Variants in OR4D1 observed in about 807,000 individuals in gnomAD.
OR4D1 encodes olfactory receptor family 4 subfamily D member 1, also known as olfactory receptor 4D1.
OR4D1 carries 10 observed loss-of-function variants against 14.2 expected under a neutral mutation model. That is an observed-to-expected ratio of 0.71 (90% CI 0.44 to 1.20). The LOEUF is 1.20. OR4D1 is among the 50% of genes most tolerant of loss of function. The probability of loss-of-function intolerance (pLI) is 0.00; values close to 1 mark genes in which losing one functional copy is unlikely to be tolerated. For synonymous variants in OR4D1, 141 were observed against 147.4 expected (o/e 0.96, Z 0.32); for missense variants, 345 against 376.6 (o/e 0.92, Z 0.70).
At chr17:58,152,098 G>T (rs1024023555) in intron 2 of OR4D1, among the ~76,000 whole-genome samples, 10 of 151,924 alleles carry the variant, frequency 6.6e-5, no homozygotes, top group Non-Finnish European at 1.3e-4. Flanking sequence ...TAACTTTTTG[G>T]ATAATTAGTA....
In OR4D1 at chr17:58,149,484, A is replaced by T. The variant is rs17740678; in HGVS notation, c.-439A>T. The T allele has an allele frequency of 0.093, 14,158 of 152,290 alleles. 749 individuals carry two copies. Among genetic ancestry groups the T allele is most frequent in the Non-Finnish European group, 0.12 (8,129 of 68,060 alleles). The allele number at this position is 152,290 out of a possible 1,614,324, so 9.4% of individuals were successfully genotyped here. A position where few individuals can be genotyped will look rare whatever the true frequency, so the allele number is the denominator to read the frequency against. On this transcript the variant is annotated 5_prime_UTR_variant, in exon 2 of 4. Coordinates refer to ENST00000268912, the MANE Select transcript of OR4D1 (RefSeq NM_001386095.1). ...CCTGTCCTCCATTAAGCAATCACAC[A>T]TTCTTTTGGGAACCAACTATGAGAA...
chr17:58,154,139 T>A (rs1967736454), intron 3 of OR4D1, among the ~76,000 whole-genome samples, 176 bp downstream of exon 3: 1 of 152,148 alleles, frequency 6.6e-6, no homozygotes, highest in African/African-American at 2.4e-5. Flanking sequence ...AAATTTTTTT[T>A]ATAGAGGTAG....
In OR4D1 at chr17:58,157,125, T is replaced by G; in HGVS notation, c.*1039T>G. 1.4e-6 allele frequency: 2 copies of G among 1,480,492 alleles called. No homozygotes were observed. Among genetic ancestry groups the G allele is most frequent in the Non-Finnish European group, 1.8e-6 (2 of 1,110,374 alleles). The allele number at this position is 1,480,492 out of a possible 1,614,324, so 91.7% of individuals were successfully genotyped here. A position where few individuals can be genotyped will look rare whatever the true frequency, so the allele number is the denominator to read the frequency against. ...CGCGGAGGAGCGCCGCGTCAAGGTC[T>G]CCAGCCTGCCCTACAGTGTGGATGC... On this transcript the variant is annotated 3_prime_UTR_variant, in exon 4 of 4. Transcript: ENST00000268912.
intron 2 of OR4D1, among the ~76,000 whole-genome samples, chr17:58,150,788 C>T (rs1477076490): frequency 6.6e-6 from 1 of 152,084 alleles, no homozygotes; most frequent in Non-Finnish European, 1.5e-5. Context: ...ACTGCGTCTC[C>T]TCCTCTTTTT....
rs772573584 is a variant in OR4D1, at chr17:58,156,046, T to G, written c.893T>G (p.Met298Arg). The G allele has an allele frequency of 6.2e-7, 1 of 1,613,352 alleles. No individual in the cohort carries two copies. The highest frequency in any genetic ancestry group is 8.5e-7 in the Non-Finnish European group (1 of 1,179,688). Reference protein sequence around the residue: ...TLRNQDMKAAMRRLGKCLVIC... With the variant: ...TLRNQDMKAARRRLGKCLVIC... The stretch of plus-strand genomic sequence containing the variant: ...AGAAACCAGGACATGAAAGCAGCCA[T>G]GAGGAGATTAGGCAAGTGCCTAGTA... The change falls in exon 4 of 4, where the codon ATG (methionine) becomes AGG (arginine). Residue 298 changes from methionine to arginine, a missense_variant. Coordinates refer to ENST00000268912, the MANE Select transcript of OR4D1 (RefSeq NM_001386095.1).
rs1967771334 is a variant in OR4D1 at position 58,156,193 on chromosome 17, A to G, written c.*107A>G. 2.6e-6 allele frequency: 2 copies of G among 763,372 alleles called. No homozygotes were observed. The highest frequency in any genetic ancestry group is 2.1e-6 in the Non-Finnish European group (1 of 484,462). 47.3% of individuals were successfully genotyped at this position (763,372 alleles called of 1,614,324 possible). On this transcript the variant is annotated 3_prime_UTR_variant, in exon 4 of 4. Coordinates refer to ENST00000268912, the MANE Select transcript of OR4D1 (RefSeq NM_001386095.1). Reference sequence around the variant, plus strand: ...AAGCATAACAAATCAGATTACACTTATATTTCTTGAGGACCTAGTGCTGTG... The same window carrying G: ...AAGCATAACAAATCAGATTACACTTGTATTTCTTGAGGACCTAGTGCTGTG...
chr17:58,149,176 C>G (rs193102727), intron 1 of OR4D1, among the ~76,000 whole-genome samples: 1 of 152,282 alleles, frequency 6.6e-6, no homozygotes, highest in Non-Finnish European at 1.5e-5. Flanking sequence ...TCCCCTTTCC[C>G]CATACAGATC....
rs1967782273 is a variant in OR4D1, at chr17:58,156,942, C to G, written c.*856C>G. The G allele has an allele frequency of 1.5e-6, 1 of 659,614 alleles. No individual in the cohort carries two copies. Among genetic ancestry groups the G allele is most frequent in the Non-Finnish European group, 2.8e-6 (1 of 362,908 alleles). 40.9% of individuals were successfully genotyped at this position (659,614 alleles called of 1,614,324 possible). On this transcript the variant is annotated 3_prime_UTR_variant, in exon 4 of 4. Coordinates refer to ENST00000268912, the MANE Select transcript of OR4D1 (RefSeq NM_001386095.1). ...AAGTTATCTCGCCCTCCCTCCTCCCCCACAAAAAAAGTTTGAGTCGCCGCT... is the reference window on the plus strand; with the variant it reads ...AAGTTATCTCGCCCTCCCTCCTCCCGCACAAAAAAAGTTTGAGTCGCCGCT...
chr17:58,157,274 C>G lies in OR4D1; in HGVS notation c.*1188C>G. The G allele has an allele frequency of 6.7e-7, 1 of 1,493,928 alleles. No individual in the cohort carries two copies. The highest frequency in any genetic ancestry group is 8.9e-7 in the Non-Finnish European group (1 of 1,122,506). 92.5% of individuals were successfully genotyped at this position (1,493,928 alleles called of 1,614,324 possible). On this transcript the variant is annotated 3_prime_UTR_variant, in exon 4 of 4. Transcript: ENST00000268912. ...ACGGCGCTCGGGAAGCGCACAGCCC[C>G]GGGCCGCTGATCAAGCCCTTCGAGA...
rs913056973 is a variant in OR4D1, at chr17:58,156,254, C to CT, written c.*183dup. ...TGTTAAGCACTTCCACGCTTTTTTT[C>CT]TTTTTTTTTTTTTTTAGATGGAGCC... On this transcript the variant is annotated 3_prime_UTR_variant, in exon 4 of 4. Transcript: ENST00000268912. 0.034 allele frequency: 16,895 copies of CT among 493,754 alleles called. No homozygotes were observed. Among genetic ancestry groups the CT allele is most frequent in the East Asian group, 0.046 (1,360 of 29,660 alleles). 30.6% of individuals were successfully genotyped at this position (493,754 alleles called of 1,614,324 possible).
rs1391429447 is a variant in OR4D1 at position 58,149,543 on chromosome 17, T to C, written c.-380T>C. On this transcript the variant is annotated 5_prime_UTR_variant, in exon 2 of 4. Coordinates refer to ENST00000268912, the MANE Select transcript of OR4D1 (RefSeq NM_001386095.1). ...TGTGTACCACGTACTGTGTAATACT[T>C]AACATATTGGATTTGCACTGAAATT... 2 of 152,240 alleles carry C rather than the reference T, an allele frequency of 1.3e-5. No homozygotes were observed. The highest frequency in any genetic ancestry group is 1.3e-4 in the Admixed American group (2 of 15,286). 9.4% of individuals were successfully genotyped at this position (152,240 alleles called of 1,614,324 possible). A position where few individuals can be genotyped will look rare whatever the true frequency, so the allele number is the denominator to read the frequency against.
At position 58,155,603 on chromosome 17, in the gene OR4D1, G is replaced by C; in HGVS notation, c.450G>C (p.Val150=). 1.9e-6 allele frequency: 3 copies of C among 1,614,082 alleles called. No individual in the cohort carries two copies. Among genetic ancestry groups the C allele is most frequent in the Non-Finnish European group, 2.5e-6 (3 of 1,180,002 alleles). Residue 150 remains valine (V), a synonymous_variant, in exon 4 of 4, where the codon GTG becomes GTC. Transcript: ENST00000268912. ...LCVGLVVAAW[V]GGFVHSIVQL... is the part of the protein sequence containing the mutation. ...TGGGCCTGGTAGTAGCCGCCTGGGT[G>C]GGGGGCTTTGTCCACTCCATTGTCC... is the stretch of plus-strand genomic sequence containing the variant.
Position 58,155,595 on chromosome 17 carries a change from G to A in OR4D1, c.442G>A (p.Ala148Thr), listed in dbSNP as rs758816903. The change falls in exon 4 of 4, where the codon GCC (alanine) becomes ACC (threonine). Residue 148 changes from alanine (A) to threonine (T), a missense_variant. By Grantham distance (58) the Ala-to-Thr change is moderately conservative (BLOSUM62 0). Transcript: ENST00000268912. ...ATTGTGTGTGGGCCTGGTAGTAGCC[G>A]CCTGGGTGGGGGGCTTTGTCCACTC... ...TQLCVGLVVA[A>T]WVGGFVHSIV... The A allele has an allele frequency of 7.4e-6, 12 of 1,614,108 alleles. No individual in the cohort carries two copies. The highest frequency in any genetic ancestry group is 1.6e-4 in the Middle Eastern group (1 of 6,062).
At position 58,157,247 on chromosome 17, in the gene OR4D1, G is replaced by T. The variant is rs1034168924; in HGVS notation, c.*1161G>T. 3 of 1,466,080 alleles carry T rather than the reference G, an allele frequency of 2.0e-6. No individual in the cohort carries two copies. Among genetic ancestry groups the T allele is most frequent in the Non-Finnish European group, 2.7e-6 (3 of 1,110,632 alleles). The allele number at this position is 1,466,080 out of a possible 1,614,324, so 90.8% of individuals were successfully genotyped here. A position where few individuals can be genotyped will look rare whatever the true frequency, so the allele number is the denominator to read the frequency against. ...CCCTGCGGCTACTGCTGCTGCCGGGGCACGGCGCTCGGGAAGCGCACAGCC... is the reference window on the plus strand; with the variant it reads ...CCCTGCGGCTACTGCTGCTGCCGGGTCACGGCGCTCGGGAAGCGCACAGCC... On this transcript the variant is annotated 3_prime_UTR_variant, in exon 4 of 4. Coordinates refer to ENST00000268912, the MANE Select transcript of OR4D1 (RefSeq NM_001386095.1).
chr17:58,150,031 G>T (rs1272033238), intron 2 of OR4D1, among the ~76,000 whole-genome samples: 1 of 152,186 alleles, frequency 6.6e-6, no homozygotes, highest in Non-Finnish European at 1.5e-5. Flanking sequence ...TTAGTATAGT[G>T]TCTATCACAT....
In OR4D1 at chr17:58,157,154, C is replaced by T. The variant is rs370669686; in HGVS notation, c.*1068C>T. 1 of 1,460,038 alleles carries T rather than the reference C, an allele frequency of 6.8e-7. No individual in the cohort carries two copies. Among genetic ancestry groups the T allele is most frequent in the Non-Finnish European group, 9.1e-7 (1 of 1,101,182 alleles). The allele number at this position is 1,460,038 out of a possible 1,614,324, so 90.4% of individuals were successfully genotyped here. On this transcript the variant is annotated 3_prime_UTR_variant, in exon 4 of 4. Coordinates refer to ENST00000268912, the MANE Select transcript of OR4D1 (RefSeq NM_001386095.1). ...GCCTGCCCTACAGTGTGGATGCGCTCGTGTCGGACAAGAAGCCGCCCAAGG... is the reference window on the plus strand; with the variant it reads ...GCCTGCCCTACAGTGTGGATGCGCTTGTGTCGGACAAGAAGCCGCCCAAGG...
rs1426774538 is a variant in OR4D1 at position 58,156,300 on chromosome 17, G to A, written c.*214G>A. The A allele has an allele frequency of 2.0e-6, 1 of 504,420 alleles. No homozygotes were observed. Among genetic ancestry groups the A allele is most frequent in the African/African-American group, 2.0e-5 (1 of 51,178 alleles). The allele number at this position is 504,420 out of a possible 1,614,324, so 31.2% of individuals were successfully genotyped here. On this transcript the variant is annotated 3_prime_UTR_variant, in exon 4 of 4. Coordinates refer to ENST00000268912, the MANE Select transcript of OR4D1 (RefSeq NM_001386095.1). The stretch of plus-strand genomic sequence containing the variant: ...GAGCCTTGCTCTGTCACCCAGGCTG[G>A]AGTGCAGTGGTGCAGTCTAGGCTCA...
rs1967678810 is a variant in OR4D1 at position 58,149,752 on chromosome 17, A to G, written c.-171A>G. ...GGCACTGAGACCTGAGGGACCGAAG[A>G]AGAGATAAGTTTGGCTGAAGCTGAA... On this transcript the variant is annotated 5_prime_UTR_variant, in exon 2 of 4. Transcript: ENST00000268912. The G allele has an allele frequency of 6.6e-6, 1 of 152,308 alleles. No homozygotes were observed. The highest frequency in any genetic ancestry group is 2.1e-4 in the South Asian group (1 of 4,828). 9.4% of individuals were successfully genotyped at this position (152,308 alleles called of 1,614,324 possible). A position where few individuals can be genotyped will look rare whatever the true frequency, so the allele number is the denominator to read the frequency against.
rs1028764741 is a variant in OR4D1 at position 58,158,188 on chromosome 17, T to C, written c.*2102T>C. 1.3e-5 allele frequency: 2 copies of C among 152,260 alleles called. No homozygotes were observed. Among genetic ancestry groups the C allele is most frequent in the Non-Finnish European group, 2.9e-5 (2 of 68,076 alleles). The allele number at this position is 152,260 out of a possible 1,614,324, so 9.4% of individuals were successfully genotyped here. A position where few individuals can be genotyped will look rare whatever the true frequency, so the allele number is the denominator to read the frequency against. ...CTATATGTCACCTTCTTAAAGAGAC[T>C]GTGTAAGTCCATTTGTTGTGTTTTC... On this transcript the variant is annotated 3_prime_UTR_variant, in exon 4 of 4. Transcript: ENST00000268912.
Sources: gnomAD v4.1 joint callset for allele counts (sites outside exome capture counted in the v4.1 genomes callset) on GRCh38, gnomAD v4.1.1 for gene constraint, MANE v1.5 for transcripts, NCBI Gene and HGNC (gene_info 2026-07-23, HGNC 2026-07-21) for gene names.